Variants in COL28A1 observed in about 807,000 individuals in gnomAD.
COL28A1 encodes the protein collagen type XXVIII alpha 1 chain.
In COL28A1, 161 loss-of-function variants were observed where a neutral mutation model predicts 150.2. The observed-to-expected ratio is 1.07, with a 90% CI of 0.94 to 1.22. COL28A1 has a LOEUF of 1.22. Among genes scored for constraint, COL28A1 ranks in the 50% most tolerant of loss-of-function variants. The pLI is 0.00. For synonymous variants in COL28A1, 552 were observed against 469.7 expected (o/e 1.18, Z -2.26); for missense variants, 1,617 against 1,388.3 (o/e 1.16, Z -2.62).
chr7:7,438,026 G>A (rs1785472166), intron 21 of COL28A1, among the ~76,000 whole-genome samples: 1 of 151,816 alleles, frequency 6.6e-6, no homozygotes, highest in Non-Finnish European at 1.5e-5. Context: ...TTGAGGTCAG[G>A]AGTTTTGAGG....
At chr7:7,400,482 C>A (rs918688999) in intron 27 of COL28A1, among the ~76,000 whole-genome samples, 4 of 152,150 alleles carry the variant, frequency 2.6e-5, no homozygotes, top group Non-Finnish European at 5.9e-5. Flanking sequence ...AATGTATTCT[C>A]CCCTAGCAGA....
intron 25 of COL28A1, among the ~76,000 whole-genome samples, chr7:7,427,083 G>A (rs1362837636): frequency 2.6e-5 from 4 of 152,164 alleles, no homozygotes; most frequent in Non-Finnish European, 4.4e-5. Context: ...CTCATAAGAA[G>A]AGAAATACAA....
rs183136976 is a variant in COL28A1, at chr7:7,441,110, T to G, written c.1651-249A>C. ...CAAAAATCTAAGTTTTGTATCTTTC[T>G]TTTGGAACTTTTGTTTGAATTTATA... On this transcript the variant is annotated intron_variant, in intron 20 of 34. Transcript: ENST00000399429. Among the ~76,000 whole-genome samples, 631 of 152,338 alleles carry G rather than the reference T, an allele frequency of 4.1e-3. 5 individuals are homozygous for G. The highest frequency in any genetic ancestry group is 6.5e-3 in the Non-Finnish European group (442 of 68,030).
intron 30 of COL28A1, among the ~76,000 whole-genome samples, chr7:7,379,095 A>G (rs1583248634): frequency 6.6e-6 from 1 of 152,208 alleles, no homozygotes; most frequent in East Asian, 1.9e-4. Context: ...ATAGAGGAAC[A>G]TATGTGCATG....
intron 18 of COL28A1, among the ~76,000 whole-genome samples, chr7:7,452,069 C>A (rs1240480220): frequency 6.6e-6 from 1 of 152,124 alleles, no homozygotes; most frequent in Non-Finnish European, 1.5e-5. Context: ...CTATAATAAA[C>A]CAAGATAAAC....
intron 27 of COL28A1, among the ~76,000 whole-genome samples, chr7:7,402,922 A>G (rs1783292500): frequency 6.6e-6 from 1 of 152,146 alleles, no homozygotes; most frequent in South Asian, 2.1e-4. Flanking sequence ...TACAGACAGG[A>G]CTCATGTTTT....
intron 6 of COL28A1, among the ~76,000 whole-genome samples, chr7:7,519,387 GA>G (rs1380032825): frequency 2.0e-5 from 3 of 152,192 alleles, no homozygotes; most frequent in Admixed American, 6.5e-5. Context: ...GATGAGATTT[GA>G]GTGGGGACAT....
In COL28A1 at chr7:7,373,598, T is replaced by G. The variant is rs1333746272; in HGVS notation, c.2360-52A>C. 6.8e-6 allele frequency: 10 copies of G among 1,480,198 alleles called. No individual in the cohort carries two copies. Among genetic ancestry groups the G allele is most frequent in the Non-Finnish European group, 9.3e-6 (10 of 1,080,742 alleles). 91.7% of individuals were successfully genotyped at this position (1,480,198 alleles called of 1,614,324 possible). A position where few individuals can be genotyped will look rare whatever the true frequency, so the allele number is the denominator to read the frequency against. On this transcript the variant is annotated intron_variant, in intron 31 of 34. Coordinates refer to ENST00000399429, the MANE Select transcript of COL28A1 (RefSeq NM_001037763.3). This position sits in a 1 kb window ranked among gnomAD's most constrained non-coding sequence, Gnocchi z 4.1. Reference sequence around the variant, plus strand: ...AATTGTGGGAATGATTGACATCAGATTGTTGAGGGGAGGGGAGAAAAAGTC... The same window carrying G: ...AATTGTGGGAATGATTGACATCAGAGTGTTGAGGGGAGGGGAGAAAAAGTC...
chr7:7,488,902 A>G (rs10486172), intron 13 of COL28A1, among the ~76,000 whole-genome samples: 15,506 of 152,254 alleles, frequency 0.1, 919 homozygotes, highest in Middle Eastern at 0.16. Flanking sequence ...TGGTGTAAAC[A>G]TCATATATAT....
chr7:7,484,853 G>A lies in COL28A1; in HGVS notation c.1164+4536C>T, dbSNP rs10247676. Among the ~76,000 whole-genome samples the A allele has an allele frequency of 7.9e-5, 12 of 151,990 alleles. 1 individual carries two copies. The highest frequency in any genetic ancestry group is 7.9e-4 in the Admixed American group (12 of 15,242). ...CAGCAACATGGATGGAGCTAGAAGCGCTTATCCTTGGCAAACTAACTCAGA... is the reference window on the plus strand; with the variant it reads ...CAGCAACATGGATGGAGCTAGAAGCACTTATCCTTGGCAAACTAACTCAGA... On this transcript the variant is annotated intron_variant, in intron 13 of 34. Transcript: ENST00000399429.
intron 22 of COL28A1, among the ~76,000 whole-genome samples, chr7:7,437,046 C>A (rs1395254970): frequency 6.6e-6 from 1 of 152,084 alleles, no homozygotes; most frequent in Non-Finnish European, 1.5e-5. Flanking sequence ...AAAAAATAAA[C>A]CAGTCAACCA....
chr7:7,458,365 G>A (rs1035936820), intron 15 of COL28A1, among the ~76,000 whole-genome samples: 1 of 151,862 alleles, frequency 6.6e-6, no homozygotes, highest in Admixed American at 6.6e-5. Context: ...GCAGTGAGCT[G>A]AGATGGTGCC....
At chr7:7,407,574 A>C (rs1006098919) in intron 27 of COL28A1, among the ~76,000 whole-genome samples, 8 of 152,106 alleles carry the variant, frequency 5.3e-5, no homozygotes, top group Non-Finnish European at 1.0e-4. Flanking sequence ...TTGAAATTCT[A>C]TTCTTAGGAA....
At chr7:7,523,600 A>C (rs1182636406) in intron 4 of COL28A1, among the ~76,000 whole-genome samples, 5 of 152,194 alleles carry the variant, frequency 3.3e-5, no homozygotes, top group Non-Finnish European at 5.9e-5. Flanking sequence ...ATGTTAAATA[A>C]GCAGCTCATT....
chr7:7,454,015 G>A (rs1786927914), intron 16 of COL28A1, among the ~76,000 whole-genome samples: 3 of 152,188 alleles, frequency 2.0e-5, no homozygotes, highest in Admixed American at 6.5e-5. Context: ...ATACCAAACT[G>A]AAGAAGGTTC....
intron 25 of COL28A1, among the ~76,000 whole-genome samples, chr7:7,424,579 A>G (rs1463077821): frequency 6.6e-6 from 1 of 152,206 alleles, no homozygotes; most frequent in Non-Finnish European, 1.5e-5. Flanking sequence ...GGGTTGTTGG[A>G]GCCTGCAGAG....
At chr7:7,407,604 T>C (rs750868972) in intron 27 of COL28A1, among the ~76,000 whole-genome samples, 1 of 151,770 alleles carries the variant, frequency 6.6e-6, no homozygotes, top group African/African-American at 2.4e-5. Flanking sequence ...TAAGAAGATA[T>C]TAAGGAGGAA....
intron 31 of COL28A1, among the ~76,000 whole-genome samples, chr7:7,374,682 G>A (rs948893684): frequency 1.3e-5 from 2 of 152,056 alleles, no homozygotes; most frequent in Non-Finnish European, 1.5e-5. Context: ...AAACCATCAG[G>A]AAATCATGTG....
intron 11 of COL28A1, among the ~76,000 whole-genome samples, chr7:7,500,405 G>A (rs1382702022): frequency 6.6e-6 from 1 of 152,214 alleles, no homozygotes; most frequent in Non-Finnish European, 1.5e-5. Flanking sequence ...AGATAGTGGT[G>A]TTCCTGACCC....
Sources: allele counts gnomAD v4.1 joint callset (sites outside exome capture counted in the v4.1 genomes callset), GRCh38; gene constraint gnomAD v4.1.1; non-coding constraint Gnocchi (gnomAD v3.1); transcripts MANE v1.5; gene names NCBI Gene and HGNC (gene_info 2026-07-23, HGNC 2026-07-21).